TCHP: variants seen among roughly 807,000 people sequenced by gnomAD.
TCHP encodes trichoplein keratin filament-binding protein.
Under a neutral mutation model 88.7 loss-of-function variants are expected in TCHP, and 81 were observed. That is an observed-to-expected ratio of 0.91 (90% CI 0.76 to 1.10). TCHP has a LOEUF of 1.10. Among genes scored for constraint, TCHP ranks in the 50% least tolerant of loss-of-function variants. TCHP has a pLI of 0.00. For missense variants in TCHP, 641 were observed against 632.1 expected (o/e 1.01, Z -0.15); for synonymous variants, 232 against 232.5 (o/e 1.00, Z 0.02).
chr12:109,903,928 C>A lies in TCHP; in HGVS notation c.189-9C>A. The A allele has an allele frequency of 6.3e-7, 1 of 1,597,580 alleles. No individual in the cohort carries two copies. Among genetic ancestry groups the A allele is most frequent in the South Asian group, 1.1e-5 (1 of 88,378 alleles). Reference sequence around the variant, plus strand: ...CATGATTGATTCAGGCAGGCCCCCTCTCACCCAGCATGCATGCCTATCAGC... The same window carrying A: ...CATGATTGATTCAGGCAGGCCCCCTATCACCCAGCATGCATGCCTATCAGC... On this transcript the variant is annotated splice_polypyrimidine_tract_variant and intron_variant, in intron 2 of 12. Coordinates refer to ENST00000405876, the MANE Select transcript of TCHP (RefSeq NM_001143852.2). This position sits in a 1 kb window ranked among gnomAD's most constrained non-coding sequence, Gnocchi z 4.6.
chr12:109,901,278 A>G (rs1258029634), intron 1 of TCHP, among the ~76,000 whole-genome samples: 1 of 115,014 alleles, frequency 8.7e-6, no homozygotes, highest in South Asian at 2.8e-4. Flanking sequence ...TGTAATGCTT[A>G]ACGTTGTTTT....
intron 8 of TCHP, 148 bp downstream of exon 8, chr12:109,909,085 T>C: frequency 5.7e-6 from 4 of 698,966 alleles, no homozygotes; most frequent in Non-Finnish European, 7.3e-6. Context: ...GATACATCCC[T>C]CGGTTGGGAG....
the TCHP span, among the ~76,000 whole-genome samples, chr12:109,895,037 G>T: frequency 2.6e-5 from 4 of 152,050 alleles, no homozygotes; most frequent in African/African-American, 9.7e-5. Context: ...CCACCTTGAG[G>T]AACTGGGAGG....
chr12:109,916,695 C>T lies in TCHP; in HGVS notation c.*72C>T. Reference sequence around the variant, plus strand: ...TGATCCCAGCCGCCAGGCAGTTTTACAGGGCTCTGTTAACAGTAAGTGCCC... The same window carrying T: ...TGATCCCAGCCGCCAGGCAGTTTTATAGGGCTCTGTTAACAGTAAGTGCCC... On this transcript the variant is annotated 3_prime_UTR_variant, in exon 13 of 13. Transcript: ENST00000405876. The T allele has an allele frequency of 1.3e-6, 2 of 1,517,136 alleles. No homozygotes were observed. The highest frequency in any genetic ancestry group is 1.8e-5 in the Admixed American group (1 of 55,004). 94.0% of individuals were successfully genotyped at this position (1,517,136 alleles called of 1,614,324 possible).
the TCHP span, among the ~76,000 whole-genome samples, chr12:109,890,694 G>A: frequency 2.6e-5 from 4 of 152,072 alleles, no homozygotes; most frequent in Non-Finnish European, 5.9e-5. Context: ...ATTTTTAGTA[G>A]AGACCGGCTT....
intron 11 of TCHP, 62 bp downstream of exon 11, chr12:109,914,689 A>T: frequency 6.8e-7 from 1 of 1,465,430 alleles, no homozygotes; most frequent in Non-Finnish European, 9.4e-7. Flanking sequence ...TCATCATGGG[A>T]CAGGGTTCAG....
chr12:109,915,183 G>A (rs12049951), intron 11 of TCHP: 68,509 of 609,778 alleles, frequency 0.11, 7,851 homozygotes, highest in African/African-American at 0.46. Context: ...CACGAGGTAA[G>A]CGCCACGCAT....
intron 3 of TCHP, 140 bp from the exon 4 acceptor site, chr12:109,904,597 A>G: frequency 1.5e-6 from 1 of 684,298 alleles, no homozygotes; most frequent in Non-Finnish European, 2.5e-6. Flanking sequence ...CATGTGAAGC[A>G]TGAGGGTTTG....
chr12:109,883,807 T>A, the TCHP span, among the ~76,000 whole-genome samples: 3 of 152,192 alleles, frequency 2.0e-5, no homozygotes, highest in Non-Finnish European at 4.4e-5. Flanking sequence ...CTGAGATAGG[T>A]CATTGCTCTG....
upstream of TCHP, among the ~76,000 whole-genome samples, chr12:109,897,847 C>T (rs1480340938): frequency 6.6e-6 from 1 of 152,172 alleles, no homozygotes; most frequent in Non-Finnish European, 1.5e-5. Flanking sequence ...CGTGAGCCAC[C>T]ACGCCTGGTC....
At chr12:109,904,226 C>G (rs1438621273) in intron 3 of TCHP, 79 bp downstream of exon 3, 18 of 1,346,080 alleles carry the variant, frequency 1.3e-5, no homozygotes, top group Non-Finnish European at 1.8e-5. Flanking sequence ...TAGGGTCATT[C>G]CTGGGTGCTC....
At chr12:109,892,201 T>C in the TCHP span, among the ~76,000 whole-genome samples, 2 of 152,132 alleles carry the variant, frequency 1.3e-5, no homozygotes, top group African/African-American at 4.8e-5. Context: ...AAAAATCATT[T>C]ATTTAATGCT....
rs769002661 is a variant in TCHP at position 109,903,202 on chromosome 12, C to T, written c.176C>T (p.Ser59Phe). The change falls in exon 2 of 13, where the codon TCC becomes TTC. Residue 59 changes from serine to phenylalanine, a missense_variant. Physicochemically the swap from Ser to Phe is radical, Grantham distance 155. Coordinates refer to ENST00000405876, the MANE Select transcript of TCHP (RefSeq NM_001143852.2). This position sits in a 1 kb window ranked among gnomAD's most constrained non-coding sequence, Gnocchi z 4.6. ...SKQAEWSSKT[S>F]YQRSMHAYQR... ...CAGGCAGAATGGAGCTCTAAAACCTCCTACCAGCGGAGGTAATTGTGCGGT... is the reference window on the plus strand; with the variant it reads ...CAGGCAGAATGGAGCTCTAAAACCTTCTACCAGCGGAGGTAATTGTGCGGT... 1.2e-6 allele frequency: 2 copies of T among 1,610,824 alleles called. No individual in the cohort carries two copies. The highest frequency in any genetic ancestry group is 1.7e-6 in the Non-Finnish European group (2 of 1,177,700).
In TCHP at chr12:109,917,545, C is replaced by T. The variant is rs1870884961; in HGVS notation, c.*922C>T. On this transcript the variant is annotated 3_prime_UTR_variant, in exon 13 of 13. Transcript: ENST00000405876. Reference sequence around the variant, plus strand: ...CACATTGGGAATGTCTTGGCTACTACATGTAGCCTTCTGGGATATATGTGC... The same window carrying T: ...CACATTGGGAATGTCTTGGCTACTATATGTAGCCTTCTGGGATATATGTGC... 1 of 152,402 alleles carries T rather than the reference C, an allele frequency of 6.6e-6. No individual in the cohort carries two copies. The highest frequency in any genetic ancestry group is 1.5e-5 in the Non-Finnish European group (1 of 68,028). 9.4% of individuals were successfully genotyped at this position (152,402 alleles called of 1,614,324 possible). A position where few individuals can be genotyped will look rare whatever the true frequency, so the allele number is the denominator to read the frequency against.
the TCHP span, among the ~76,000 whole-genome samples, chr12:109,883,655 C>T: frequency 1.3e-5 from 2 of 152,168 alleles, no homozygotes; most frequent in African/African-American, 2.4e-5. Flanking sequence ...TCTATCAATT[C>T]CACACAGAGA....
At chr12:109,882,054 G>T in the TCHP span, among the ~76,000 whole-genome samples, 1 of 152,128 alleles carries the variant, frequency 6.6e-6, no homozygotes, top group Non-Finnish European at 1.5e-5. Flanking sequence ...AAATTGGTAA[G>T]ACAACTTCAG....
chr12:109,893,791 G>C, the TCHP span, among the ~76,000 whole-genome samples: 1 of 152,166 alleles, frequency 6.6e-6, no homozygotes, highest in Non-Finnish European at 1.5e-5. Flanking sequence ...GATCCAGAGA[G>C]CAGCGAGCAG....
At chr12:109,904,173 G>C (rs1228305859) in intron 3 of TCHP, 26 bp downstream of exon 3, 4 of 1,549,816 alleles carry the variant, frequency 2.6e-6, no homozygotes, top group Non-Finnish European at 3.5e-6. Flanking sequence ...GCTTCAGGAG[G>C]CTGTGGAGCA....
chr12:109,908,908 A>G lies in TCHP; in HGVS notation c.850A>G (p.Arg284Gly), dbSNP rs752132171. Residue 284 changes from arginine (R) to glycine (G), a missense_variant, in exon 8 of 13, where the codon AGA becomes GGA. By Grantham distance (125) the Arg-to-Gly change is moderately radical. Transcript: ENST00000405876. ...ACATCAGTATAACGCTCAACTCAGC[A>G]GACGCACACAGCAGATCCAAGAGGA... is the stretch of plus-strand genomic sequence containing the variant. ...LRHQYNAQLSRRTQQIQEELE... is the reference protein window; with the variant it reads ...LRHQYNAQLSGRTQQIQEELE... 7.4e-6 allele frequency: 12 copies of G among 1,614,134 alleles called. No individual in the cohort carries two copies. Among genetic ancestry groups the G allele is most frequent in the Non-Finnish European group, 1.0e-5 (12 of 1,180,058 alleles).
Sources: allele counts gnomAD v4.1 joint callset (sites outside exome capture counted in the v4.1 genomes callset), GRCh38; gene constraint gnomAD v4.1.1; non-coding constraint Gnocchi (gnomAD v3.1); transcripts MANE v1.5; gene names NCBI Gene and HGNC (gene_info 2026-07-23, HGNC 2026-07-21).